Variants in MS4A15 observed in about 807,000 individuals in gnomAD.
MS4A15 encodes the protein membrane spanning 4-domains A15.
A neutral mutation model predicts 20.6 loss-of-function variants in MS4A15; 22 were observed. The observed-to-expected ratio is 1.07, with a 90% CI of 0.76 to 1.52. The LOEUF (loss-of-function observed/expected upper bound fraction) is 1.52. Ranked by LOEUF, MS4A15 falls within the 40% of genes most tolerant of loss-of-function variation. The pLI, the probability that MS4A15 is intolerant of heterozygous loss-of-function variation, is 0.00. For missense variants in MS4A15, 312 were observed against 323.0 expected (o/e 0.97, Z 0.26); for synonymous variants, 129 against 129.3 (o/e 1.00, Z 0.02).
intron 1 of MS4A15, among the ~76,000 whole-genome samples, chr11:60,758,884 A>G (rs1326456986): frequency 6.6e-6 from 1 of 152,260 alleles, no homozygotes; most frequent in Non-Finnish European, 1.5e-5. Context: ...CAAAAATGGC[A>G]GCACAAAATC....
intron 2 of MS4A15, among the ~76,000 whole-genome samples, chr11:60,765,851 C>T (rs1001575340): frequency 2.1e-5 from 3 of 143,806 alleles, no homozygotes; most frequent in East Asian, 2.1e-4. Context: ...AGCCTCAAAG[C>T]GGACCCTGGG....
In MS4A15 at chr11:60,773,788, C is replaced by A. The variant is rs748988934; in HGVS notation, c.499-49C>A. 7 of 1,528,428 alleles carry A rather than the reference C, an allele frequency of 4.6e-6. No homozygotes were observed. In the South Asian group the frequency reaches 7.8e-5, roughly 17 times the overall value. The allele number at this position is 1,528,428 out of a possible 1,614,324, so 94.7% of individuals were successfully genotyped here. A position where few individuals can be genotyped will look rare whatever the true frequency, so the allele number is the denominator to read the frequency against. On this transcript the variant is annotated intron_variant, in intron 5 of 6. Coordinates refer to ENST00000405633, the MANE Select transcript of MS4A15 (RefSeq NM_001098835.2). ...CAAGTGGTTCTCACTCGGGGGACCC[C>A]CTTACTCTAGAACTCTGGGCTCACC...
In MS4A15 at chr11:60,771,351, AGT is replaced by A; in HGVS notation, c.405+8_405+9del. 1 of 1,614,028 alleles carries A rather than the reference AGT, an allele frequency of 6.2e-7. No individual in the cohort carries two copies. ...GAAGAACCACACCAGTTGCCTGGTG[AGT>A]GTGAACAGGGGGACCCAGGGGCGGG... On this transcript the variant is annotated splice_donor_5th_base_variant and intron_variant, in intron 4 of 6. Transcript: ENST00000405633.
intron 1 of MS4A15, among the ~76,000 whole-genome samples, chr11:60,759,963 C>T (rs558248381): frequency 7.2e-5 from 11 of 152,290 alleles, no homozygotes; most frequent in African/African-American, 2.4e-4. Flanking sequence ...AGACCGGCGC[C>T]GGTGCAGTTC....
chr11:60,775,601 G>A lies in MS4A15; in HGVS notation c.613-4G>A, dbSNP rs1021171775. ...CAGGACGCTCAGTGCTGTTTTCTTT[G>A]CAGCCTGTGATCTTCCTGCCAAACG... On this transcript the variant is annotated splice_region_variant and splice_polypyrimidine_tract_variant and intron_variant, in intron 6 of 6. Transcript: ENST00000405633. 1.9e-6 allele frequency: 3 copies of A among 1,613,236 alleles called. No individual in the cohort carries two copies. Among genetic ancestry groups the A allele is most frequent in the Admixed American group, 3.3e-5 (2 of 60,012 alleles).
intron 1 of MS4A15, among the ~76,000 whole-genome samples, chr11:60,760,353 TG>T (rs1853707047): frequency 2.0e-5 from 3 of 152,242 alleles, no homozygotes; most frequent in African/African-American, 7.2e-5. Context: ...TGATTGCCAA[TG>T]GCATTCTCTT....
At chr11:60,769,381 C>A (rs7117409) in intron 3 of MS4A15, among the ~76,000 whole-genome samples, 31,371 of 152,136 alleles carry the variant, frequency 0.21, 3,397 homozygotes, top group Middle Eastern at 0.3. Flanking sequence ...CTTAGTTGAA[C>A]ATTCCCAGAA....
chr11:60,767,431 C>T lies in MS4A15; in HGVS notation c.226-102C>T, dbSNP rs1472375763. 9 of 1,338,622 alleles carry T rather than the reference C, an allele frequency of 6.7e-6. No individual in the cohort carries two copies. In the African/African-American group the frequency reaches 1.2e-4, roughly 18 times the overall value. 82.9% of individuals were successfully genotyped at this position (1,338,622 alleles called of 1,614,324 possible). On this transcript the variant is annotated intron_variant, in intron 2 of 6. Coordinates refer to ENST00000405633, the MANE Select transcript of MS4A15 (RefSeq NM_001098835.2). ...GAATCTGAGTTTCTTTCCCAGTGGCCAACAAGCGGGAGGAGGGCGGGGCCA... is the reference window on the plus strand; with the variant it reads ...GAATCTGAGTTTCTTTCCCAGTGGCTAACAAGCGGGAGGAGGGCGGGGCCA...
Position 60,763,575 on chromosome 11 carries a change from A to C in MS4A15, c.-28-131A>C. ...CGCTTCTCTGAGTCTCAGCTTCCCC[A>C]GCTTTGATGAGAGCGTTTGGGGCCA... On this transcript the variant is annotated intron_variant, in intron 1 of 6. Coordinates refer to ENST00000405633, the MANE Select transcript of MS4A15 (RefSeq NM_001098835.2). 4.2e-6 allele frequency: 3 copies of C among 714,228 alleles called. 1 individual carries two copies. In the South Asian group the frequency reaches 5.7e-5, roughly 13 times the overall value. 44.2% of individuals were successfully genotyped at this position (714,228 alleles called of 1,614,324 possible).
chr11:60,771,057 C>G (rs1029175044), intron 3 of MS4A15, among the ~76,000 whole-genome samples: 1 of 152,178 alleles, frequency 6.6e-6, no homozygotes, highest in African/African-American at 2.4e-5. Context: ...CAATGCCTTC[C>G]CCATGAGGCC....
rs571190728 is a variant in MS4A15 at position 60,770,530 on chromosome 11, G to A, written c.349-761G>A. On this transcript the variant is annotated intron_variant, in intron 3 of 6. Coordinates refer to ENST00000405633, the MANE Select transcript of MS4A15 (RefSeq NM_001098835.2). ...GGAGAATCACTTGAACCCGGGAGGC[G>A]GAGGTTGCAGTGAGCCGAGATCATG... is the stretch of plus-strand genomic sequence containing the variant. Among the ~76,000 whole-genome samples the A allele has an allele frequency of 5.8e-4, 88 of 151,280 alleles. No homozygotes were observed. The East Asian group carries it at 0.014, about 24-fold the overall frequency.
chr11:60,775,532 A>T (rs1434703696), intron 6 of MS4A15, 73 bp from the exon 7 acceptor site: 3 of 1,230,882 alleles, frequency 2.4e-6, no homozygotes, highest in Non-Finnish European at 3.5e-6. Context: ...GATTACCCAC[A>T]AGGGGGCACT....
chr11:60,773,812 C>T, intron 5 of MS4A15, 25 bp from the exon 6 acceptor site: 1 of 1,601,390 alleles, frequency 6.2e-7, no homozygotes, highest in Non-Finnish European at 8.6e-7. Context: ...TCTGGGCTCA[C>T]CTTTCTGTGG....
At chr11:60,773,995 G>C in intron 6 of MS4A15, 45 bp downstream of exon 6, 1 of 1,498,012 alleles carries the variant, frequency 6.7e-7, no homozygotes, top group Non-Finnish European at 9.2e-7. Flanking sequence ...AACCTGAGCT[G>C]AGCCTGTGTG....
intron 3 of MS4A15, 45 bp from the exon 4 acceptor site, chr11:60,771,246 C>T (rs1197863884): frequency 1.9e-6 from 3 of 1,609,308 alleles, no homozygotes; most frequent in Non-Finnish European, 2.5e-6. Flanking sequence ...CTGCCCTGCC[C>T]AGGGTCCTGG....
chr11:60,762,873 G>T (rs1214756752), intron 1 of MS4A15, among the ~76,000 whole-genome samples: 6 of 152,164 alleles, frequency 3.9e-5, no homozygotes, highest in Admixed American at 3.9e-4. Context: ...CTAAAAACAG[G>T]ACAAGGATTG....
At chr11:60,773,340 T>C in intron 4 of MS4A15, 52 bp from the exon 5 acceptor site, 1 of 1,510,216 alleles carries the variant, frequency 6.6e-7, no homozygotes, top group Non-Finnish European at 9.0e-7. Context: ...CCCCTGCCTT[T>C]TCTCCTTCTC....
intron 1 of MS4A15, among the ~76,000 whole-genome samples, chr11:60,760,181 C>G (rs566221389): frequency 2.0e-5 from 3 of 152,206 alleles, no homozygotes; most frequent in African/African-American, 7.2e-5. Flanking sequence ...AGGGAACGCT[C>G]GAGCTAATGC....
At chr11:60,768,483 C>G (rs916820893) in intron 3 of MS4A15, among the ~76,000 whole-genome samples, 39 of 152,156 alleles carry the variant, frequency 2.6e-4, no homozygotes, top group African/African-American at 8.2e-4. Flanking sequence ...GAGTGTATAC[C>G]GTGAACCTTG....
Sources: allele counts gnomAD v4.1 joint callset (sites outside exome capture counted in the v4.1 genomes callset), GRCh38; gene constraint gnomAD v4.1.1; transcripts MANE v1.5; gene names NCBI Gene and HGNC (gene_info 2026-07-23, HGNC 2026-07-21).